RAD51B: variants seen among roughly 807,000 people sequenced by gnomAD.
RAD51B encodes DNA repair protein RAD51 homolog 2.
A neutral mutation model predicts 42.2 loss-of-function variants in RAD51B; 38 were observed. The ratio of observed to expected loss-of-function variants is 0.90; its 90% confidence interval spans 0.70 to 1.18. The LOEUF (loss-of-function observed/expected upper bound fraction) is 1.18, where lower values mean the gene tolerates loss of function less well. Among genes scored for constraint, RAD51B ranks in the 50% most tolerant of loss-of-function variants. RAD51B has a pLI of 0.00. For missense variants in RAD51B, 373 were observed against 400.7 expected, an observed-to-expected ratio of 0.93 and a Z score of 0.59; for synonymous variants, 154 against 145.2, an observed-to-expected ratio of 1.06 and a Z score of -0.43.
intron 7 of RAD51B, among the ~76,000 whole-genome samples, chr14:68,240,200 T>A (rs568984903): frequency 6.6e-6 from 1 of 152,100 alleles, no homozygotes; most frequent in Non-Finnish European, 1.5e-5. Flanking sequence ...CCTCATTGTG[T>A]CTATTTGGAG....
chr14:68,244,864 C>T (rs2080462875), intron 7 of RAD51B, among the ~76,000 whole-genome samples: 1 of 152,076 alleles, frequency 6.6e-6, no homozygotes, highest in African/African-American at 2.4e-5. Flanking sequence ...TAGACTTTCC[C>T]ATAACAAAAA....
intron 7 of RAD51B, among the ~76,000 whole-genome samples, chr14:68,230,594 A>G (rs2080129403): frequency 6.6e-6 from 1 of 152,198 alleles, no homozygotes; most frequent in South Asian, 2.1e-4. Context: ...CTACCAAAAA[A>G]AGGACATTCA....
At chr14:68,110,457 A>G (rs1595410757) in intron 7 of RAD51B, among the ~76,000 whole-genome samples, 1 of 151,978 alleles carries the variant, frequency 6.6e-6, no homozygotes, top group African/African-American at 2.4e-5. Context: ...TGAAAGGAAA[A>G]GAGGGAGGGA....
intron 9 of RAD51B, among the ~76,000 whole-genome samples, chr14:68,460,543 C>G (rs1251392204): frequency 1.3e-5 from 2 of 152,170 alleles, no homozygotes; most frequent in African/African-American, 4.8e-5. Context: ...ACTGGCCTTC[C>G]TAGCCACCCA....
At chr14:68,048,320 C>G (rs2140412803) in intron 7 of RAD51B, among the ~76,000 whole-genome samples, 1 of 152,120 alleles carries the variant, frequency 6.6e-6, no homozygotes, top group African/African-American at 2.4e-5. Flanking sequence ...TGTTTGAGTT[C>G]TTTGTAGATT....
intron 7 of RAD51B, among the ~76,000 whole-genome samples, chr14:67,925,546 C>T (rs557497145): frequency 2.4e-4 from 36 of 152,172 alleles, no homozygotes; most frequent in Non-Finnish European, 4.0e-4. Flanking sequence ...GCTGGGATTA[C>T]AGGCATGAGC....
intron 8 of RAD51B, among the ~76,000 whole-genome samples, chr14:68,401,004 G>A (rs1364094841): frequency 1.3e-5 from 2 of 152,182 alleles, no homozygotes; most frequent in Non-Finnish European, 2.9e-5. Context: ...GAGCTGATGG[G>A]AGGAGATTGC....
chr14:67,960,305 CT>C (rs2074637984), intron 7 of RAD51B, among the ~76,000 whole-genome samples: 1 of 152,150 alleles, frequency 6.6e-6, no homozygotes, highest in African/African-American at 2.4e-5. Flanking sequence ...TTTGACACTA[CT>C]TTACTTGATC....
At chr14:67,921,524 A>G (rs1484965742) in intron 7 of RAD51B, among the ~76,000 whole-genome samples, 2 of 151,786 alleles carry the variant, frequency 1.3e-5, no homozygotes, top group Non-Finnish European at 2.9e-5. Flanking sequence ...GAAAGCAAGG[A>G]CATAACCCAC....
chr14:68,602,471 G>A lies in RAD51B; in HGVS notation c.1037-8535G>A, dbSNP rs141678292. On this transcript the variant is annotated intron_variant, in intron 10 of 10. Coordinates refer to the RAD51B transcript ENST00000487861. ...AACAGGGTTGGATGCGGATAGATGG[G>A]TGGGTGGGTGGATGGATGATGGATG... 2.0e-3 allele frequency among the ~76,000 whole-genome samples: 304 copies of A among 150,734 alleles called. 1 individual carries two copies. The highest frequency in any genetic ancestry group is 7.2e-3 in the African/African-American group (294 of 40,912).
At chr14:68,487,089 T>C (rs1166185854) in intron 10 of RAD51B, among the ~76,000 whole-genome samples, 3 of 152,254 alleles carry the variant, frequency 2.0e-5, no homozygotes, top group Admixed American at 6.5e-5. Flanking sequence ...CAACAGTTCC[T>C]TGCTGTATTC....
chr14:68,005,797 A>C (rs1167568793), intron 7 of RAD51B, among the ~76,000 whole-genome samples: 3 of 152,222 alleles, frequency 2.0e-5, no homozygotes, highest in Non-Finnish European at 2.9e-5. Context: ...TTTATAAAGA[A>C]AAGAAGTTTA....
At position 67,873,859 on chromosome 14, in the gene RAD51B, A is replaced by G. The variant is rs1276369376; in HGVS notation, c.452+8720A>G. Among the ~76,000 whole-genome samples the G allele has an allele frequency of 8.9e-5, 13 of 145,778 alleles. No individual in the cohort carries two copies. In the East Asian group the frequency reaches 2.6e-3, roughly 29 times the overall value. On this transcript the variant is annotated intron_variant, in intron 5 of 10. Coordinates refer to ENST00000471583, the MANE Select transcript of RAD51B (RefSeq NM_133510.4). ...AAGAACAAAAAACCAGACACTGCATATTCTCACTCATAGGTGGGAATTGAA... is the reference window on the plus strand; with the variant it reads ...AAGAACAAAAAACCAGACACTGCATGTTCTCACTCATAGGTGGGAATTGAA...
chr14:68,099,846 G>A (rs184142018), intron 7 of RAD51B, among the ~76,000 whole-genome samples: 3 of 152,280 alleles, frequency 2.0e-5, no homozygotes, highest in African/African-American at 7.2e-5. Context: ...GCCCAGTCGA[G>A]CAGAAGAGTT....
At chr14:68,129,180 A>C (rs1441786270) in intron 7 of RAD51B, among the ~76,000 whole-genome samples, 3 of 152,172 alleles carry the variant, frequency 2.0e-5, no homozygotes, top group African/African-American at 7.2e-5. Flanking sequence ...AGTAGAGCCT[A>C]AACTAGAACC....
At chr14:68,097,452 A>C (rs918493494) in intron 7 of RAD51B, among the ~76,000 whole-genome samples, 1 of 152,166 alleles carries the variant, frequency 6.6e-6, no homozygotes, top group South Asian at 2.1e-4. Context: ...TTCAAATGAC[A>C]CTTCAGACCA....
chr14:68,444,283 G>A (rs946131764), intron 9 of RAD51B, among the ~76,000 whole-genome samples: 5 of 152,218 alleles, frequency 3.3e-5, no homozygotes, highest in Non-Finnish European at 7.3e-5. Context: ...TGTAACTTCA[G>A]TATTCTCTTG....
At chr14:68,116,442 CA>C (rs930814858) in intron 7 of RAD51B, among the ~76,000 whole-genome samples, 4 of 151,278 alleles carry the variant, frequency 2.6e-5, no homozygotes, top group Non-Finnish European at 2.9e-5. Context: ...GTGATTCATT[CA>C]AAAAATGTAT....
intron 9 of RAD51B, among the ~76,000 whole-genome samples, chr14:68,461,260 G>A (rs1771446131): frequency 6.7e-6 from 1 of 149,348 alleles, no homozygotes; most frequent in African/African-American, 2.5e-5. Context: ...GGAAGCTTGC[G>A]AACAGCTGAG....
Sources: allele counts gnomAD v4.1 joint callset (sites outside exome capture counted in the v4.1 genomes callset), GRCh38; gene constraint gnomAD v4.1.1; transcripts MANE v1.5; gene names NCBI Gene and HGNC (gene_info 2026-07-23, HGNC 2026-07-21).